DAAM1: variants seen among roughly 807,000 people sequenced by gnomAD.
DAAM1 encodes dishevelled associated activator of morphogenesis 1.
Under a neutral mutation model 130.0 loss-of-function variants are expected in DAAM1, and 52 were observed. The observed-to-expected ratio is 0.40, with a 90% CI of 0.32 to 0.50. The LOEUF is 0.50. Ranked by LOEUF, DAAM1 falls within the 20% of genes least tolerant of loss-of-function variation. DAAM1 has a pLI of 0.61. For missense variants in DAAM1, 1,134 were observed against 1,303.8 expected (o/e 0.87, Z 2.01); for synonymous variants, 452 against 444.5 (o/e 1.02, Z -0.21).
In DAAM1 at chr14:59,256,836, C is replaced by T. The variant is rs1459746377; in HGVS notation, c.-37-6605C>T. Among the ~76,000 whole-genome samples the T allele has an allele frequency of 2.0e-5, 3 of 152,160 alleles. No individual in the cohort carries two copies. In the East Asian group the frequency reaches 5.8e-4, roughly 29 times the overall value. On this transcript the variant is annotated intron_variant, in intron 1 of 24. Transcript: ENST00000360909. ...TTTGAGTTTTCTTCGTCTGTGTCTC[C>T]AGTACCTAACACTCTGTGGGTGTAT...
chr14:59,206,071 C>G (rs1888246978), intron 1 of DAAM1, among the ~76,000 whole-genome samples: 1 of 151,912 alleles, frequency 6.6e-6, no homozygotes, highest in Admixed American at 6.6e-5. Flanking sequence ...CCAGGCTGGT[C>G]TCGAACTCCT....
intron 2 of DAAM1, among the ~76,000 whole-genome samples, chr14:59,277,710 G>GA (rs571721358): frequency 1.3e-5 from 2 of 151,094 alleles, no homozygotes; most frequent in Non-Finnish European, 3.0e-5. Flanking sequence ...AGAATAACAT[G>GA]AAAAAAAAAT....
intron 4 of DAAM1, among the ~76,000 whole-genome samples, chr14:59,315,703 C>T (rs1467894100): frequency 6.6e-6 from 1 of 152,168 alleles, no homozygotes; most frequent in Non-Finnish European, 1.5e-5. Context: ...AAAGTTAATA[C>T]CATTTTAAAA....
chr14:59,262,071 C>A (rs903540059), intron 1 of DAAM1, among the ~76,000 whole-genome samples: 9 of 151,506 alleles, frequency 5.9e-5, no homozygotes, highest in African/African-American at 1.9e-4. Context: ...TTTCTTTTAA[C>A]CTCATCTCTT....
At chr14:59,271,182 A>C (rs958436843) in intron 2 of DAAM1, among the ~76,000 whole-genome samples, 1 of 152,196 alleles carries the variant, frequency 6.6e-6, no homozygotes, top group African/African-American at 2.4e-5. Context: ...CAGTGGGTCT[A>C]ATGTTTGAGG....
At chr14:59,207,191 A>G (rs1277805454) in intron 1 of DAAM1, among the ~76,000 whole-genome samples, 1 of 152,238 alleles carries the variant, frequency 6.6e-6, no homozygotes, top group Non-Finnish European at 1.5e-5. Flanking sequence ...TTGCTAGTGT[A>G]TACAGCACTT....
At chr14:59,278,935 G>C (rs1883091138) in intron 2 of DAAM1, among the ~76,000 whole-genome samples, 1 of 133,284 alleles carries the variant, frequency 7.5e-6, no homozygotes, top group African/African-American at 2.5e-5. Context: ...TTTATCTAAT[G>C]TTCAAACAGA....
chr14:59,197,368 C>T (rs568312068), intron 1 of DAAM1, among the ~76,000 whole-genome samples: 10 of 152,318 alleles, frequency 6.6e-5, no homozygotes, highest in African/African-American at 2.2e-4. Context: ...GTACTTTGTT[C>T]AGCACTGTTG....
intron 2 of DAAM1, among the ~76,000 whole-genome samples, chr14:59,269,843 G>A (rs1400332943): frequency 6.6e-6 from 1 of 152,154 alleles, no homozygotes; most frequent in Non-Finnish European, 1.5e-5. Flanking sequence ...AGGCATGGAA[G>A]GCTCAGGTAA....
chr14:59,359,436 A>G lies in DAAM1; in HGVS notation c.2565A>G (p.Glu855=). The G allele has an allele frequency of 1.2e-6, 2 of 1,613,888 alleles. No individual in the cohort carries two copies. Among genetic ancestry groups the G allele is most frequent in the South Asian group, 2.2e-5 (2 of 91,074 alleles). Residue 855 remains glutamate (E), a synonymous_variant, in exon 21 of 25, where the codon GAA becomes GAG. Transcript: ENST00000360909. ...TGCACTATCTCATCACTATTGTGGA[A>G]AATAAGTACCCCAGTGTTCTCAATC... ...TLLHYLITIV[E]NKYPSVLNLN...
In DAAM1 at chr14:59,367,523, C is replaced by T; in HGVS notation, c.2921C>T (p.Ser974Leu). 1.2e-6 allele frequency: 2 copies of T among 1,613,710 alleles called. No homozygotes were observed. Among genetic ancestry groups the T allele is most frequent in the Non-Finnish European group, 1.7e-6 (2 of 1,179,806 alleles). ...GIFDQFLQAV[S>L]EAKQENENMR... ...TTTGATCAATTTCTTCAAGCTGTGTCAGAAGCCAAACAAGAAAACGAAAAT... is the reference window on the plus strand; with the variant it reads ...TTTGATCAATTTCTTCAAGCTGTGTTAGAAGCCAAACAAGAAAACGAAAAT... The change falls in exon 24 of 25, where the codon TCA (serine) becomes TTA (leucine). Residue 974 changes from serine (S) to leucine (L), a missense_variant. Around this residue, in one of 3 missense-constraint regions of DAAM1, gnomAD observed 644 missense variants for 695.9 expected, o/e 0.93. Coordinates refer to ENST00000360909, the MANE Select transcript of DAAM1 (RefSeq NM_001270520.2).
chr14:59,245,182 C>T (rs973735836), intron 1 of DAAM1, among the ~76,000 whole-genome samples: 3 of 152,102 alleles, frequency 2.0e-5, no homozygotes, highest in Admixed American at 6.5e-5. Context: ...AATTTTCCTC[C>T]CTTTGTTATT....
intron 16 of DAAM1, among the ~76,000 whole-genome samples, chr14:59,346,140 G>T (rs1005314851): frequency 0.025 from 148 of 5,918 alleles, 2 homozygotes; most frequent in East Asian, 0.33. Flanking sequence ...CTTTTTTTTG[G>T]GGGGGGGGGG....
chr14:59,196,647 G>A (rs997850135), intron 1 of DAAM1, among the ~76,000 whole-genome samples: 7 of 152,062 alleles, frequency 4.6e-5, no homozygotes, highest in African/African-American at 1.7e-4. Flanking sequence ...GGAGGCTGAG[G>A]CAGGAGAATG....
rs145119794 is a variant in DAAM1, at chr14:59,336,912, T to A, written c.1969-3162T>A. On this transcript the variant is annotated intron_variant, in intron 15 of 24. Transcript: ENST00000360909. ...TTGTCATGTTTAATCTTCACACCAA[T>A]CAGTTGTTAATTAACCACATTTTAC... Among the ~76,000 whole-genome samples, 599 of 152,320 alleles carry A rather than the reference T, an allele frequency of 3.9e-3. 5 individuals are homozygous for A. The highest frequency in any genetic ancestry group is 0.013 in the African/African-American group (547 of 41,582).
chr14:59,326,172 C>T lies in DAAM1; in HGVS notation c.1174+95C>T, dbSNP rs1011088418. ...TGCACAGTGCTGATTACATTGGGTGCACACCAGGGATTCCAAGCCTTGGTT... is the reference window on the plus strand; with the variant it reads ...TGCACAGTGCTGATTACATTGGGTGTACACCAGGGATTCCAAGCCTTGGTT... On this transcript the variant is annotated intron_variant, in intron 10 of 24. Transcript: ENST00000360909. The T allele has an allele frequency of 6.0e-6, 7 of 1,164,400 alleles. No individual in the cohort carries two copies. In the African/African-American group the frequency reaches 7.6e-5, roughly 13 times the overall value. 72.1% of individuals were successfully genotyped at this position (1,164,400 alleles called of 1,614,324 possible). A position where few individuals can be genotyped will look rare whatever the true frequency, so the allele number is the denominator to read the frequency against.
intron 22 of DAAM1, among the ~76,000 whole-genome samples, chr14:59,361,581 A>G (rs551248267): frequency 1.3e-5 from 2 of 152,326 alleles, no homozygotes; most frequent in African/African-American, 4.8e-5. Context: ...CCAGGCATAC[A>G]AGACAACCTG....
chr14:59,338,440 G>A (rs764001890), intron 15 of DAAM1: 14 of 1,611,984 alleles, frequency 8.7e-6, no homozygotes, highest in Non-Finnish European at 1.2e-5. Context: ...CCTAAAGCTT[G>A]CTTAATATAA....
At chr14:59,225,019 GTTTTTTTTT>G (rs869233694) in intron 1 of DAAM1, among the ~76,000 whole-genome samples, 5 of 90,784 alleles carry the variant, frequency 5.5e-5, no homozygotes, top group Non-Finnish European at 8.4e-5. Flanking sequence ...ATCTGTGTGG[GTTTTTTTTT>G]TTTTTTTTTT....
Sources: gnomAD v4.1 joint callset for allele counts (sites outside exome capture counted in the v4.1 genomes callset) on GRCh38, gnomAD v4.1.1 for gene constraint, gnomAD v4.1.1 regional missense constraint, MANE v1.5 for transcripts, NCBI Gene and HGNC (gene_info 2026-07-23, HGNC 2026-07-21) for gene names.